Variants in ANKRD44 observed in about 807,000 individuals in gnomAD.
The protein encoded by ANKRD44 is serine/threonine-protein phosphatase 6 regulatory ankyrin repeat subunit B.
ANKRD44 carries 35 observed loss-of-function variants against 116.0 expected under a neutral mutation model. The ratio of observed to expected loss-of-function variants is 0.30; its 90% confidence interval spans 0.23 to 0.40. ANKRD44 has a LOEUF of 0.40. Among genes scored for constraint, ANKRD44 ranks in the 10% least tolerant of loss-of-function variants. The pLI, the probability that ANKRD44 is intolerant of heterozygous loss-of-function variation, is 1.00. For missense variants in ANKRD44, 1,014 were observed against 1,242.6 expected, an observed-to-expected ratio of 0.82 and a Z score of 2.77; for synonymous variants, 435 against 461.8, an observed-to-expected ratio of 0.94 and a Z score of 0.74.
chr2:197,200,554 A>G (rs113503155), intron 1 of ANKRD44, among the ~76,000 whole-genome samples: 242 of 152,208 alleles, frequency 1.6e-3, no homozygotes, highest in African/African-American at 5.3e-3. Flanking sequence ...ACATCACACT[A>G]ACACTAATTT....
chr2:197,056,531 A>T (rs1002736613), intron 16 of ANKRD44, among the ~76,000 whole-genome samples: 9 of 152,020 alleles, frequency 5.9e-5, no homozygotes, highest in South Asian at 2.1e-4. Flanking sequence ...TGTTGCTGGG[A>T]TGTAGAAAAT....
intron 16 of ANKRD44, among the ~76,000 whole-genome samples, chr2:197,069,638 A>G (rs1469744153): frequency 6.6e-6 from 1 of 152,142 alleles, no homozygotes; most frequent in Non-Finnish European, 1.5e-5. Flanking sequence ...ACAGTAGTAT[A>G]AAATATATAT....
chr2:197,285,260 A>C (rs2083377520), intron 1 of ANKRD44, among the ~76,000 whole-genome samples: 1 of 152,110 alleles, frequency 6.6e-6, no homozygotes, highest in Non-Finnish European at 1.5e-5. Flanking sequence ...AACCCACTGC[A>C]GGAAAGTGTC....
chr2:197,186,699 G>T (rs1466739900), intron 2 of ANKRD44, among the ~76,000 whole-genome samples: 2 of 134,898 alleles, frequency 1.5e-5, no homozygotes, highest in Non-Finnish European at 1.5e-5. Context: ...GGGCTCAAGT[G>T]ATCTGCCCAA....
rs1248987403 is a variant in ANKRD44, at chr2:196,998,971, T to C, written c.2601A>G (p.Ala867=). The C allele has an allele frequency of 8.7e-6, 14 of 1,614,248 alleles. No homozygotes were observed. The highest frequency in any genetic ancestry group is 1.2e-5 in the Non-Finnish European group (14 of 1,180,044). The part of the protein sequence containing the change: ...LLLRHSAPVN[A]VDNSGKTALM... ...GTGCTGTTTTCCCTGAATTATCTAC[T>C]GCGTTCACTGGAGCACTGTGTCTCA... is the stretch of plus-strand genomic sequence containing the variant. Residue 867 remains alanine (A), a synonymous_variant, in exon 24 of 28, where the codon GCA becomes GCG. Coordinates refer to ENST00000282272, the MANE Select transcript of ANKRD44 (RefSeq NM_001195144.2).
At chr2:196,999,146 G>T (rs1290318200) in intron 23 of ANKRD44, 94 bp from the exon 24 acceptor site, 4 of 1,435,712 alleles carry the variant, frequency 2.8e-6, no homozygotes, top group Non-Finnish European at 3.8e-6. Flanking sequence ...TTGTCTTAAG[G>T]ATTTAAAACT....
chr2:197,115,464 G>T (rs1201075128), intron 8 of ANKRD44, among the ~76,000 whole-genome samples: 1 of 152,116 alleles, frequency 6.6e-6, no homozygotes, highest in Non-Finnish European at 1.5e-5. Flanking sequence ...CTCATATCAT[G>T]AAGTCAAAAA....
intron 4 of ANKRD44, among the ~76,000 whole-genome samples, chr2:197,131,153 C>A (rs915096156): frequency 6.6e-6 from 1 of 151,822 alleles, no homozygotes; most frequent in Non-Finnish European, 1.5e-5. Context: ...GAATAATATA[C>A]AGAAAGTCCT....
intron 3 of ANKRD44, among the ~76,000 whole-genome samples, chr2:197,144,313 G>C (rs2125419636): frequency 6.6e-6 from 1 of 152,278 alleles, no homozygotes; most frequent in African/African-American, 2.4e-5. Flanking sequence ...GTTCTGGCAA[G>C]GCCGAATTAT....
chr2:196,990,791 A>C, intron 27 of ANKRD44: 1 of 1,232,170 alleles, frequency 8.1e-7, no homozygotes, highest in Non-Finnish European at 1.0e-6. Flanking sequence ...TCCTGCTCAA[A>C]TTGTCTTTTT....
chr2:197,245,709 C>A (rs1298583413), intron 1 of ANKRD44, among the ~76,000 whole-genome samples: 1 of 152,176 alleles, frequency 6.6e-6, no homozygotes, highest in African/African-American at 2.4e-5. Context: ...TACCATGAGG[C>A]CACATTCCTT....
intron 1 of ANKRD44, chr2:197,199,170 T>G (rs1238976468): frequency 1.3e-5 from 2 of 152,084 alleles, no homozygotes; most frequent in African/African-American, 4.8e-5. Context: ...CTTCACAGTT[T>G]AGGTTTTGGT....
chr2:197,248,474 C>T (rs1447613939), intron 1 of ANKRD44, among the ~76,000 whole-genome samples: 2 of 150,288 alleles, frequency 1.3e-5, no homozygotes, highest in African/African-American at 5.0e-5. Context: ...TATATATATT[C>T]CTTATAGTTC....
intron 1 of ANKRD44, among the ~76,000 whole-genome samples, chr2:197,231,414 G>T (rs1225877218): frequency 6.6e-6 from 1 of 151,884 alleles, no homozygotes; most frequent in Non-Finnish European, 1.5e-5. Flanking sequence ...GAGCAACAGA[G>T]TGAGTCCTTA....
chr2:197,144,888 T>A (rs1479390726), intron 3 of ANKRD44, among the ~76,000 whole-genome samples: 1 of 152,196 alleles, frequency 6.6e-6, no homozygotes, highest in African/African-American at 2.4e-5. Context: ...CCCTTTCAGA[T>A]GTAGAAACAA....
In ANKRD44 at chr2:197,100,890, T is replaced by A. The variant is rs769273360; in HGVS notation, c.986-960A>T. Among the ~76,000 whole-genome samples, 4 of 152,292 alleles carry A rather than the reference T, an allele frequency of 2.6e-5. No individual in the cohort carries two copies. In the South Asian group the frequency reaches 8.3e-4, roughly 32 times the overall value. ...ACTAAATTTCTTTTTTTCTCTCCCT[T>A]TTTCGTGTGTGTGTATATATACAAT... On this transcript the variant is annotated intron_variant, in intron 9 of 27. Transcript: ENST00000282272.
rs1033324216 is a variant in ANKRD44 at position 197,228,060 on chromosome 2, C to T, written c.28-40954G>A. Among the ~76,000 whole-genome samples, 5 of 152,246 alleles carry T rather than the reference C, an allele frequency of 3.3e-5. No individual in the cohort carries two copies. The East Asian group carries it at 5.8e-4, about 18-fold the overall frequency. ...ATCCCAACTGTAAGTCAGACAGACC[C>T]GGAATCAAATCTTAGCTGTGTCAGT... On this transcript the variant is annotated intron_variant, in intron 1 of 27. Coordinates refer to ENST00000282272, the MANE Select transcript of ANKRD44 (RefSeq NM_001195144.2).
chr2:196,985,788 G>C (rs2075832595), downstream of ANKRD44, among the ~76,000 whole-genome samples: 2 of 152,146 alleles, frequency 1.3e-5, no homozygotes, highest in African/African-American at 4.8e-5. Context: ...TCCATCATTA[G>C]GAATTTGTTC....
At chr2:196,991,461 T>C (rs932996142) in intron 27 of ANKRD44, among the ~76,000 whole-genome samples, 7 of 152,216 alleles carry the variant, frequency 4.6e-5, no homozygotes, top group Non-Finnish European at 8.8e-5. Flanking sequence ...ACTTTATATA[T>C]GCTTCATAGA....
Sources: allele counts gnomAD v4.1 joint callset (sites outside exome capture counted in the v4.1 genomes callset), GRCh38; gene constraint gnomAD v4.1.1; transcripts MANE v1.5; gene names NCBI Gene and HGNC (gene_info 2026-07-23, HGNC 2026-07-21).